The following ASTN2 variants were observed in gnomAD, a reference collection of about 807,000 sequenced individuals.
ASTN2 encodes astrotactin 2.
ASTN2 carries 54 observed loss-of-function variants against 139.8 expected under a neutral mutation model. The ratio of observed to expected loss-of-function variants is 0.39; its 90% CI spans 0.31 to 0.48. ASTN2 has a LOEUF of 0.48. Among genes scored for constraint, ASTN2 ranks in the 20% least tolerant of loss-of-function variants. ASTN2 has a pLI of 0.95. For missense variants in ASTN2, 1,565 were observed against 1,725.1 expected (o/e 0.91, Z 1.64); for synonymous variants, 756 against 719.5 (o/e 1.05, Z -0.81).
At chr9:117,330,058 T>C (rs1828651318) in intron 1 of ASTN2, among the ~76,000 whole-genome samples, 1 of 152,178 alleles carries the variant, frequency 6.6e-6, no homozygotes, top group South Asian at 2.1e-4. Context: ...TCTTAGTGAC[T>C]CCACAGCCCT....
At chr9:117,308,559 A>G (rs952166163) in intron 1 of ASTN2, among the ~76,000 whole-genome samples, 3 of 152,114 alleles carry the variant, frequency 2.0e-5, no homozygotes, top group African/African-American at 7.2e-5. Flanking sequence ...TTTCAAGTGC[A>G]CTTTCAGGAG....
chr9:116,878,892 G>A (rs980069863), intron 10 of ASTN2, among the ~76,000 whole-genome samples: 4 of 151,548 alleles, frequency 2.6e-5, no homozygotes, highest in South Asian at 2.1e-4. Context: ...ATCTCAAACA[G>A]AAGAGGCTCA....
rs796665135 is a variant in ASTN2, at chr9:116,801,610, A to G, written c.2396+4022T>C. Reference sequence around the variant, plus strand: ...CAAAAAAAAAAAAAAAAAAAAAAAAAAAAGAAAGAAAGAAAAAGAAAGAAA... The same window carrying G: ...CAAAAAAAAAAAAAAAAAAAAAAAAGAAAGAAAGAAAGAAAAAGAAAGAAA... On this transcript the variant is annotated intron_variant, in intron 13 of 22. Transcript: ENST00000313400. 8.5e-3 allele frequency among the ~76,000 whole-genome samples: 1,185 copies of G among 139,920 alleles called. 18 individuals carry two copies. The highest frequency in any genetic ancestry group is 0.029 in the African/African-American group (1,122 of 38,138). The allele number at this position is 139,920 out of a possible 152,430, so 91.8% of individuals were successfully genotyped here.
At chr9:116,495,711 T>C (rs1315765869) in intron 19 of ASTN2, among the ~76,000 whole-genome samples, 1 of 151,580 alleles carries the variant, frequency 6.6e-6, no homozygotes, top group African/African-American at 2.4e-5. Context: ...TCCAAAGTCA[T>C]ACTCCATCTA....
At chr9:117,370,730 A>G (rs962890207) in intron 1 of ASTN2, among the ~76,000 whole-genome samples, 2 of 152,100 alleles carry the variant, frequency 1.3e-5, no homozygotes, top group African/African-American at 4.8e-5. Context: ...CCCTAGAGAC[A>G]GAGTCTTGCT....
At chr9:116,920,994 G>T (rs1177545126) in intron 10 of ASTN2, among the ~76,000 whole-genome samples, 1 of 152,176 alleles carries the variant, frequency 6.6e-6, no homozygotes, top group Non-Finnish European at 1.5e-5. Context: ...AAAGAAAAGA[G>T]GTTGAACTAG....
chr9:116,600,323 C>CAAAAA (rs35224783), intron 19 of ASTN2, among the ~76,000 whole-genome samples: 43 of 118,948 alleles, frequency 3.6e-4, no homozygotes, highest in South Asian at 5.0e-4. Context: ...GACCCTGTCT[C>CAAAAA]AAAAAAAAAA....
chr9:116,446,791 G>A (rs567883361), intron 20 of ASTN2, among the ~76,000 whole-genome samples: 20 of 152,218 alleles, frequency 1.3e-4, no homozygotes, highest in Non-Finnish European at 2.5e-4. Context: ...CACAGACTGT[G>A]TGGTATGAGA....
At chr9:116,528,309 C>T (rs1851181540) in intron 19 of ASTN2, among the ~76,000 whole-genome samples, 2 of 152,128 alleles carry the variant, frequency 1.3e-5, no homozygotes, top group South Asian at 2.1e-4. Flanking sequence ...TTTTCCCCTG[C>T]CCTAGAGATC....
At position 117,414,591 on chromosome 9, in the gene ASTN2, C is replaced by A. The variant is rs1412178348; in HGVS notation, c.348G>T (p.Glu116Asp). ...TACGCACAAAGAGCAGGAGGCGCGACTCGGCGGCGGTGCCGGCAGAGCCAG... is the reference window on the plus strand; with the variant it reads ...TACGCACAAAGAGCAGGAGGCGCGAATCGGCGGCGGTGCCGGCAGAGCCAG... ...GSPGSAGTAAESRLLLFVRNE... is the reference protein window; with the variant it reads ...GSPGSAGTAADSRLLLFVRNE... The change falls in exon 1 of 23, where the codon GAG becomes GAT. Residue 116 changes from glutamate (E) to aspartate (D), a missense_variant. This residue lies in a region of ASTN2 where 596 missense variants were observed against 576.8 expected (regional missense o/e 1.03). Transcript: ENST00000313400. This position sits in a 1 kb window ranked among gnomAD's most constrained non-coding sequence, Gnocchi z 4.2. 2 of 1,578,528 alleles carry A rather than the reference C, an allele frequency of 1.3e-6. No homozygotes were observed. The highest frequency in any genetic ancestry group is 8.6e-7 in the Non-Finnish European group (1 of 1,165,388).
chr9:117,316,864 C>A (rs1019325103), intron 1 of ASTN2, among the ~76,000 whole-genome samples: 44 of 152,088 alleles, frequency 2.9e-4, no homozygotes, highest in African/African-American at 1.1e-3. Flanking sequence ...GGTCTGGGCC[C>A]AACGAAGGTC....
At chr9:116,701,834 C>G (rs1248468769) in intron 16 of ASTN2, among the ~76,000 whole-genome samples, 1 of 149,638 alleles carries the variant, frequency 6.7e-6, no homozygotes, top group Non-Finnish European at 1.5e-5. Context: ...AAATTGCAGA[C>G]TAGGGCCCCA....
At chr9:117,257,418 A>G (rs1350246131) in intron 2 of ASTN2, among the ~76,000 whole-genome samples, 1 of 152,198 alleles carries the variant, frequency 6.6e-6, no homozygotes, top group East Asian at 1.9e-4. Flanking sequence ...CAATCTGGAG[A>G]GGTCTTTCTA....
intron 10 of ASTN2, among the ~76,000 whole-genome samples, chr9:116,950,627 T>A (rs759134900): frequency 6.6e-6 from 1 of 152,198 alleles, no homozygotes; most frequent in Non-Finnish European, 1.5e-5. Context: ...AGTTACAGTT[T>A]TCCTTTGGCA....
intron 20 of ASTN2, among the ~76,000 whole-genome samples, chr9:116,465,840 G>T (rs1318608162): frequency 6.6e-6 from 1 of 152,162 alleles, no homozygotes; most frequent in Non-Finnish European, 1.5e-5. Context: ...TACTTGATGA[G>T]TAGTCTTCAA....
chr9:116,872,827 G>A (rs1833201317), intron 10 of ASTN2, among the ~76,000 whole-genome samples: 1 of 152,048 alleles, frequency 6.6e-6, no homozygotes, highest in Admixed American at 6.6e-5. Context: ...CTGATTGAGG[G>A]GCTTCAAGAG....
chr9:117,066,163 C>T (rs1315117325), intron 5 of ASTN2, among the ~76,000 whole-genome samples: 4 of 97,904 alleles, frequency 4.1e-5, no homozygotes, highest in Non-Finnish European at 5.9e-5. Flanking sequence ...TGCTATCCCT[C>T]CCCCCTCCCC....
intron 7 of ASTN2, among the ~76,000 whole-genome samples, chr9:117,003,683 C>T (rs946337563): frequency 6.6e-6 from 1 of 151,692 alleles, no homozygotes; most frequent in African/African-American, 2.4e-5. Flanking sequence ...CATTAGAAAC[C>T]ACAAACTTGC....
At chr9:116,862,137 T>G (rs1362496916) in intron 11 of ASTN2, among the ~76,000 whole-genome samples, 1 of 152,212 alleles carries the variant, frequency 6.6e-6, no homozygotes, top group Non-Finnish European at 1.5e-5. Context: ...TTCTAGAAGC[T>G]TCTTCGTATT....
Sources: gnomAD v4.1 joint callset for allele counts (sites outside exome capture counted in the v4.1 genomes callset) on GRCh38, gnomAD v4.1.1 for gene constraint, gnomAD v4.1.1 regional missense constraint, Gnocchi (gnomAD v3.1) non-coding constraint, MANE v1.5 for transcripts, NCBI Gene and HGNC (gene_info 2026-07-23, HGNC 2026-07-21) for gene names.